LRRC37A2: variants seen among roughly 807,000 people sequenced by gnomAD.
LRRC37A2 encodes the protein leucine-rich repeat-containing protein 37A2.
In LRRC37A2, 9 loss-of-function variants were observed where a neutral mutation model predicts 68.8. That is an observed-to-expected ratio of 0.13 (90% CI 0.08 to 0.23). LRRC37A2 has a LOEUF of 0.23. Ranked by LOEUF, LRRC37A2 falls within the 10% of genes least tolerant of loss-of-function variation. LRRC37A2 has a pLI of 1.00. For missense variants in LRRC37A2, 168 were observed against 950.4 expected, an observed-to-expected ratio of 0.18 and a Z score of 10.82; for synonymous variants, 63 against 367.6, an observed-to-expected ratio of 0.17 and a Z score of 9.48.
chr17:46,923,135 T>C, the LRRC37A2 span: 1 of 1,174,052 alleles, frequency 8.5e-7, no homozygotes, highest in Non-Finnish European at 1.2e-6. Flanking sequence ...GAAGGGGGGC[T>C]GTGAGGACGT....
chr17:46,958,392 GACTGGGGGTGGGAA>G, the LRRC37A2 span, among the ~76,000 whole-genome samples: 2 of 152,236 alleles, frequency 1.3e-5, no homozygotes, highest in Non-Finnish European at 2.9e-5. Flanking sequence ...TAGCAAAGAA[GACTGGGGGTGGGAA>G]ACGTGTGTGG....
At chr17:46,858,078 C>A in the LRRC37A2 span, among the ~76,000 whole-genome samples, 1 of 152,074 alleles carries the variant, frequency 6.6e-6, no homozygotes, top group African/African-American at 2.4e-5. Context: ...TACAGGCATG[C>A]GCCACCATGC....
the LRRC37A2 span, chr17:47,018,568 C>T: frequency 2.2e-5 from 34 of 1,520,202 alleles, no homozygotes; most frequent in Non-Finnish European, 3.0e-5. Flanking sequence ...CACGGGGGCC[C>T]ACATCTGCTT....
At chr17:46,912,844 C>T in the LRRC37A2 span, among the ~76,000 whole-genome samples, 1 of 152,208 alleles carries the variant, frequency 6.6e-6, no homozygotes, top group Admixed American at 6.5e-5. Flanking sequence ...TGACTCGGCC[C>T]TCTTTGGGTC....
exon 10 of LRRC37A2, chr17:46,548,746 G>C (rs568551393): frequency 1.2e-6 from 2 of 1,610,722 alleles, no homozygotes; most frequent in African/African-American, 1.4e-5. Flanking sequence ...CGCTGCCGAA[G>C]AAAAAAGGCT....
chr17:46,935,432 CAT>C, the LRRC37A2 span: 1 of 1,418,638 alleles, frequency 7.0e-7, no homozygotes, highest in Non-Finnish European at 9.2e-7. Context: ...CTGAACTTAT[CAT>C]GAAAGTGAGT....
the LRRC37A2 span, among the ~76,000 whole-genome samples, chr17:46,953,188 C>G: frequency 1.4e-3 from 206 of 151,774 alleles, no homozygotes; most frequent in African/African-American, 4.7e-3. Context: ...CTAATGCTAT[C>G]CCTCCCCACT....
At chr17:46,749,452 A>T in the LRRC37A2 span, among the ~76,000 whole-genome samples, 1 of 152,192 alleles carries the variant, frequency 6.6e-6, no homozygotes, top group Non-Finnish European at 1.5e-5. Context: ...TACATGTGCC[A>T]TGTTGGCTCT....
the LRRC37A2 span, among the ~76,000 whole-genome samples, chr17:46,380,818 C>T: frequency 7.2e-4 from 7 of 9,780 alleles, 3 homozygotes; most frequent in African/African-American, 7.9e-4. Context: ...TGGCCGGGCG[C>T]GGTGGCTCAC....
chr17:46,966,173 G>A, the LRRC37A2 span, among the ~76,000 whole-genome samples: 1 of 152,174 alleles, frequency 6.6e-6, no homozygotes, highest in Admixed American at 6.5e-5. Flanking sequence ...AGAGTAAGAA[G>A]TGCTCACAAA....
the LRRC37A2 span, among the ~76,000 whole-genome samples, chr17:46,905,205 T>TGGGATTAA: frequency 6.6e-6 from 1 of 152,024 alleles, no homozygotes. Context: ...CTCAAGTAGC[T>TGGGATTAA]GGGATTAAAG....
the LRRC37A2 span, chr17:47,017,700 T>C: frequency 6.2e-7 from 1 of 1,610,980 alleles, no homozygotes; most frequent in Non-Finnish European, 8.5e-7. Context: ...TATACGCCAA[T>C]TATCCACACC....
the LRRC37A2 span, among the ~76,000 whole-genome samples, chr17:46,961,276 A>G: frequency 6.6e-6 from 1 of 152,210 alleles, no homozygotes; most frequent in Admixed American, 6.5e-5. Flanking sequence ...AGAAACAAAT[A>G]TCTGTAATTT....
chr17:46,768,892 T>C, the LRRC37A2 span: 12 of 1,529,916 alleles, frequency 7.8e-6, no homozygotes, highest in Non-Finnish European at 9.7e-6. This position sits in a 1 kb window ranked among gnomAD's most constrained non-coding sequence, Gnocchi z 5.0. Context: ...CCCCCTTCCC[T>C]CCAGCCTTCT....
chr17:46,857,163 C>T, the LRRC37A2 span, among the ~76,000 whole-genome samples: 691 of 152,202 alleles, frequency 4.5e-3, 10 homozygotes, highest in African/African-American at 0.016. Context: ...CCATTCCCCA[C>T]TTGATAGACA....
chr17:47,018,521 A>G, the LRRC37A2 span: 29 of 1,520,786 alleles, frequency 1.9e-5, no homozygotes, highest in Admixed American at 3.3e-5. Flanking sequence ...CTCAGCTCTC[A>G]GGGTCAGGTA....
chr17:46,861,422 C>T, the LRRC37A2 span, among the ~76,000 whole-genome samples: 1 of 152,180 alleles, frequency 6.6e-6, no homozygotes, highest in Non-Finnish European at 1.5e-5. Flanking sequence ...CTGGAATCTC[C>T]CTCTGTGCCC....
the LRRC37A2 span, among the ~76,000 whole-genome samples, chr17:46,838,279 C>T: frequency 4.6e-5 from 7 of 150,708 alleles, no homozygotes; most frequent in South Asian, 2.1e-4. Context: ...GAGGAACAGC[C>T]GAGTGGGTCA....
At chr17:46,887,884 C>T in the LRRC37A2 span, among the ~76,000 whole-genome samples, 2 of 152,138 alleles carry the variant, frequency 1.3e-5, no homozygotes, top group African/African-American at 4.8e-5. Flanking sequence ...GTGAGACAGG[C>T]GGAGTCCCTG....
Sources: gnomAD v4.1 joint callset for allele counts (sites outside exome capture counted in the v4.1 genomes callset) on GRCh38, gnomAD v4.1.1 for gene constraint, Gnocchi (gnomAD v3.1) non-coding constraint, MANE v1.5 for transcripts, NCBI Gene and HGNC (gene_info 2026-07-23, HGNC 2026-07-21) for gene names.